The following LRRFIP1 variants were observed in gnomAD, a reference collection of about 807,000 sequenced individuals.
LRRFIP1 encodes leucine-rich repeat flightless-interacting protein 1.
Under a neutral mutation model 104.4 loss-of-function variants are expected in LRRFIP1, and 62 were observed. The ratio of observed to expected loss-of-function variants is 0.59; its 90% CI spans 0.48 to 0.73. The LOEUF (loss-of-function observed/expected upper bound fraction) is 0.73, where lower values mean the gene tolerates loss of function less well. Among genes scored for constraint, LRRFIP1 ranks in the 30% least tolerant of loss-of-function variants. The probability of loss-of-function intolerance (pLI) is 0.00; values close to 1 mark genes in which losing one functional copy is unlikely to be tolerated. For missense variants in LRRFIP1, 796 were observed against 824.5 expected, an observed-to-expected ratio of 0.97 and a Z score of 0.42; for synonymous variants, 300 against 299.0, an observed-to-expected ratio of 1.00 and a Z score of -0.03.
chr2:237,747,304 A>G (rs1373960156), intron 11 of LRRFIP1, among the ~76,000 whole-genome samples: 7 of 152,194 alleles, frequency 4.6e-5, no homozygotes, highest in Admixed American at 3.3e-4. Context: ...AGTTGAAGGT[A>G]CAAGGAGTTT....
chr2:237,767,015 T>A (rs757340280), intron 19 of LRRFIP1, among the ~76,000 whole-genome samples: 1 of 151,768 alleles, frequency 6.6e-6, no homozygotes, highest in African/African-American at 2.4e-5. Flanking sequence ...ACAAAAAAAA[T>A]ATACAAACAA....
chr2:237,724,431 A>T (rs1025295993), intron 7 of LRRFIP1, among the ~76,000 whole-genome samples: 3 of 152,232 alleles, frequency 2.0e-5, no homozygotes, highest in African/African-American at 7.2e-5. Flanking sequence ...ACATCTGCAT[A>T]GCATATTTGG....
rs139399688 is a variant in LRRFIP1, at chr2:237,764,982, C to T, written c.1459+4777C>T. Reference sequence around the variant, plus strand: ...ACAGTCATTTTTTAAATGTTTTTGGCCGGGCGTGGTGGCTCATGCCTGTAA... The same window carrying T: ...ACAGTCATTTTTTAAATGTTTTTGGTCGGGCGTGGTGGCTCATGCCTGTAA... On this transcript the variant is annotated intron_variant, in intron 19 of 23. Coordinates refer to ENST00000308482, the MANE Select transcript of LRRFIP1 (RefSeq NM_001137550.2). 6 of 985,164 alleles carry T rather than the reference C, an allele frequency of 6.1e-6. No individual in the cohort carries two copies. In the East Asian group the frequency reaches 5.7e-4, roughly 93 times the overall value. 61.0% of individuals were successfully genotyped at this position (985,164 alleles called of 1,614,324 possible). A position where few individuals can be genotyped will look rare whatever the true frequency, so the allele number is the denominator to read the frequency against.
chr2:237,665,276 A>T (rs183796605), intron 1 of LRRFIP1, among the ~76,000 whole-genome samples: 15 of 152,292 alleles, frequency 9.8e-5, no homozygotes, highest in Non-Finnish European at 1.8e-4. Context: ...TTATTTACTG[A>T]TGTGAATTCT....
At chr2:237,696,567 C>G (rs972993487) in intron 1 of LRRFIP1, among the ~76,000 whole-genome samples, 2 of 152,228 alleles carry the variant, frequency 1.3e-5, no homozygotes, top group African/African-American at 4.8e-5. Context: ...CTAACCCTTG[C>G]TGTAACCTCA....
chr2:237,666,912 C>A (rs1165578453), intron 1 of LRRFIP1, among the ~76,000 whole-genome samples: 1 of 90,696 alleles, frequency 1.1e-5, no homozygotes, highest in Non-Finnish European at 2.2e-5. Flanking sequence ...TCCCTGCCTT[C>A]CTGCTTTCTT....
chr2:237,645,539 C>G (rs1016425828), intron 1 of LRRFIP1, among the ~76,000 whole-genome samples: 5 of 151,990 alleles, frequency 3.3e-5, no homozygotes, highest in Non-Finnish European at 5.9e-5. Context: ...GCTGCTCCAG[C>G]AGGAGCTCTC....
At chr2:237,751,358 T>C (rs1052580337) in intron 14 of LRRFIP1, 87 bp downstream of exon 14, 6 of 1,093,838 alleles carry the variant, frequency 5.5e-6, no homozygotes, top group Non-Finnish European at 6.7e-6. Flanking sequence ...AAATTCAAAG[T>C]GCATGCTTAC....
At chr2:237,733,740 C>T (rs1374431197) in intron 8 of LRRFIP1, 34 bp from the exon 9 acceptor site, 1 of 1,611,632 alleles carries the variant, frequency 6.2e-7, no homozygotes, top group Admixed American at 1.7e-5. Context: ...TTTTTCAAGG[C>T]TTTTAAAACC....
Position 237,703,368 on chromosome 2 carries a change from T to TACCTGCTC in LRRFIP1, c.97-5176_97-5175insACCTGCTC, listed in dbSNP as rs2093637063. Among the ~76,000 whole-genome samples, 4 of 152,066 alleles carry TACCTGCTC rather than the reference T, an allele frequency of 2.6e-5. No individual in the cohort carries two copies. The highest frequency in any genetic ancestry group is 9.7e-5 in the African/African-American group (4 of 41,428). On this transcript the variant is annotated intron_variant, in intron 1 of 23. Coordinates refer to ENST00000308482, the MANE Select transcript of LRRFIP1 (RefSeq NM_001137550.2). This position sits in a 1 kb window ranked among gnomAD's most constrained non-coding sequence, Gnocchi z 4.3. ...CACTTCCTTGGTTTCCTGTTGCTCT[T>TACCTGCTC]CCCACCCCATACCTGCTCCCCACAT...
At chr2:237,739,097 CT>C in intron 10 of LRRFIP1, 134 bp from the exon 11 acceptor site, 3 of 683,150 alleles carry the variant, frequency 4.4e-6, no homozygotes, top group Non-Finnish European at 7.5e-6. Flanking sequence ...CCCTAACTCT[CT>C]TTTCCTTGCC....
intron 19 of LRRFIP1, chr2:237,764,652 A>G: frequency 1.0e-6 from 1 of 988,874 alleles, no homozygotes; most frequent in African/African-American, 1.7e-5. Context: ...GGAGATAAAC[A>G]GCCAAATAGC....
chr2:237,649,108 G>A lies in LRRFIP1; in HGVS notation c.96+21368G>A, dbSNP rs1658368626. ...TCTTGGCCGGCCCCTGGAGCTGGAG[G>A]AGGTGCTGGGCCATGGTTTGGAAGC... On this transcript the variant is annotated intron_variant, in intron 1 of 23. Transcript: ENST00000308482. This position sits in a 1 kb window ranked among gnomAD's most constrained non-coding sequence, Gnocchi z 4.1. 6.6e-6 allele frequency among the ~76,000 whole-genome samples: 1 copy of A among 151,886 alleles called. No homozygotes were observed. The highest frequency in any genetic ancestry group is 6.6e-5 in the Admixed American group (1 of 15,260).
At chr2:237,715,786 A>C (rs139102153) in intron 3 of LRRFIP1, among the ~76,000 whole-genome samples, 1 of 152,224 alleles carries the variant, frequency 6.6e-6, no homozygotes. Flanking sequence ...CTTCCGGATC[A>C]TGGTAGTGAT....
At chr2:237,673,358 G>A (rs1042899852) in intron 1 of LRRFIP1, among the ~76,000 whole-genome samples, 1 of 152,164 alleles carries the variant, frequency 6.6e-6, no homozygotes, top group Non-Finnish European at 1.5e-5. Context: ...CGCCCGGGGG[G>A]AGTCTGGACG....
chr2:237,661,666 C>A lies in LRRFIP1; in HGVS notation c.96+33926C>A, dbSNP rs6727524. ...ATCTGTCCCAGAGCCATGCACGTTC[C>A]GAAAGCACATTCCAGGGGGACAGTT... On this transcript the variant is annotated intron_variant, in intron 1 of 23. Coordinates refer to ENST00000308482, the MANE Select transcript of LRRFIP1 (RefSeq NM_001137550.2). This position sits in a 1 kb window ranked among gnomAD's most constrained non-coding sequence, Gnocchi z 4.4. 0.13 allele frequency among the ~76,000 whole-genome samples: 20,404 copies of A among 152,260 alleles called. 1,879 individuals are homozygous for A. Among genetic ancestry groups the A allele is most frequent in the Non-Finnish European group, 0.21 (14,363 of 68,012 alleles).
At chr2:237,662,235 C>T (rs2088148283) in intron 1 of LRRFIP1, among the ~76,000 whole-genome samples, 1 of 152,126 alleles carries the variant, frequency 6.6e-6, no homozygotes, top group Non-Finnish European at 1.5e-5. Flanking sequence ...TCTCTGTGTG[C>T]AAATTTCTGT....
chr2:237,674,757 A>C (rs1477904356), intron 1 of LRRFIP1, among the ~76,000 whole-genome samples: 2 of 152,270 alleles, frequency 1.3e-5, no homozygotes, highest in Non-Finnish European at 2.9e-5. Context: ...GTGTGACCTC[A>C]GCACCAATAG....
At chr2:237,723,504 C>T (rs775006388) in intron 6 of LRRFIP1, 44 bp from the exon 7 acceptor site, 6 of 1,606,564 alleles carry the variant, frequency 3.7e-6, no homozygotes, top group Non-Finnish European at 5.1e-6. Context: ...TTTGGCAACT[C>T]TCTTTGCTGT....
Sources: allele counts gnomAD v4.1 joint callset (sites outside exome capture counted in the v4.1 genomes callset), GRCh38; gene constraint gnomAD v4.1.1; non-coding constraint Gnocchi (gnomAD v3.1); transcripts MANE v1.5; gene names NCBI Gene and HGNC (gene_info 2026-07-23, HGNC 2026-07-21).